LANCL2: variants seen among roughly 807,000 people sequenced by gnomAD.
The protein encoded by LANCL2 is lanC-like protein 2.
In LANCL2, 33 loss-of-function variants were observed where a neutral mutation model predicts 56.9. That is an observed-to-expected ratio of 0.58 (90% confidence interval 0.44 to 0.78). The LOEUF (loss-of-function observed/expected upper bound fraction) is 0.78, where lower values mean the gene tolerates loss of function less well. Among genes scored for constraint, LANCL2 ranks in the 30% least tolerant of loss-of-function variants. The pLI, the probability that LANCL2 is intolerant of heterozygous loss-of-function variation, is 0.00. For missense variants in LANCL2, 562 were observed against 580.2 expected (o/e 0.97, Z 0.32); for synonymous variants, 233 against 228.2 (o/e 1.02, Z -0.19).
At chr7:55,411,207 T>C (rs920723575) in intron 5 of LANCL2, among the ~76,000 whole-genome samples, 3 of 151,592 alleles carry the variant, frequency 2.0e-5, no homozygotes, top group African/African-American at 4.9e-5. Context: ...TTGAGACTCT[T>C]TGAATGTTTT....
At chr7:55,401,078 CTCTA>C (rs1043185448) in intron 4 of LANCL2, 92 bp from the exon 5 acceptor site, 59 of 911,470 alleles carry the variant, frequency 6.5e-5, no homozygotes, top group Non-Finnish European at 9.6e-5. Context: ...CTGCCTCTCT[CTCTA>C]TATATGTCAT....
intron 2 of LANCL2, chr7:55,394,188 G>A (rs1583751020): frequency 6.6e-6 from 1 of 152,156 alleles, no homozygotes; most frequent in Non-Finnish European, 1.5e-5. Flanking sequence ...GAAGTATTTG[G>A]TTTCAGTGAT....
rs369345106 is a variant in LANCL2 at position 55,365,796 on chromosome 7, C to G, written c.-230C>G. ...TCCGTCGGGAGCAGGGCAAAGGCGC[C>G]AGGAACAGGGCAGAGGCACAGCGCC... is the stretch of plus-strand genomic sequence containing the variant. On this transcript the variant is annotated 5_prime_UTR_variant, in exon 1 of 9. Transcript: ENST00000254770. The G allele has an allele frequency of 3.1e-4, 121 of 396,224 alleles. 1 individual carries two copies. The South Asian group carries it at 9.8e-3, about 32-fold the overall frequency. The allele number at this position is 396,224 out of a possible 1,614,324, so 24.5% of individuals were successfully genotyped here. A position where few individuals can be genotyped will look rare whatever the true frequency, so the allele number is the denominator to read the frequency against.
chr7:55,421,858 C>T (rs1002706293), intron 6 of LANCL2, among the ~76,000 whole-genome samples: 1 of 152,062 alleles, frequency 6.6e-6, no homozygotes, highest in African/African-American at 2.4e-5. Flanking sequence ...TGTTGTAAAC[C>T]ACTAATACAA....
chr7:55,371,649 A>G (rs972131117), intron 1 of LANCL2, among the ~76,000 whole-genome samples: 1 of 152,078 alleles, frequency 6.6e-6, no homozygotes, highest in Non-Finnish European at 1.5e-5. Flanking sequence ...CTCTTGTAGG[A>G]GTTTTATAGT....
At position 55,391,868 on chromosome 7, in the gene LANCL2, A is replaced by G; in HGVS notation, c.280A>G (p.Thr94Ala). ...GCAGCAAATGGAAGAAGGGCTGAAG[A>G]CAGCTGATCCCCATGACTGCTCTGC... ...LLQQMEEGLK[T>A]ADPHDCSAYT... Residue 94 changes from threonine (T) to alanine (A), a missense_variant, in exon 2 of 9, where the codon ACA (threonine) becomes GCA (alanine). This residue lies in a region of LANCL2 where 378 missense variants were observed against 468.4 expected (regional missense o/e 0.81). Transcript: ENST00000254770. 1 of 1,612,866 alleles carries G rather than the reference A, an allele frequency of 6.2e-7. No homozygotes were observed. The highest frequency in any genetic ancestry group is 8.5e-7 in the Non-Finnish European group (1 of 1,178,878).
intron 6 of LANCL2, among the ~76,000 whole-genome samples, chr7:55,423,989 C>G (rs1241375916): frequency 1.3e-5 from 2 of 152,198 alleles, no homozygotes; most frequent in African/African-American, 4.8e-5. Context: ...GCCCTGCCCC[C>G]CAACCTCCGC....
At chr7:55,408,248 A>G (rs531604725) in intron 5 of LANCL2, among the ~76,000 whole-genome samples, 1 of 152,308 alleles carries the variant, frequency 6.6e-6, no homozygotes, top group South Asian at 2.1e-4. Flanking sequence ...AGAAATAGAC[A>G]ATGGGAGAGG....
chr7:55,366,291 C>A, intron 1 of LANCL2, 62 bp downstream of exon 1: 1 of 1,358,506 alleles, frequency 7.4e-7, no homozygotes, highest in African/African-American at 1.5e-5. Flanking sequence ...TAGCGTCCAC[C>A]TTCCGCCAGG....
intron 1 of LANCL2, among the ~76,000 whole-genome samples, chr7:55,389,436 A>T (rs1790161095): frequency 6.6e-6 from 1 of 152,214 alleles, no homozygotes; most frequent in African/African-American, 2.4e-5. Flanking sequence ...AAATATAAAG[A>T]AAAAGGTTGA....
At chr7:55,424,542 G>A (rs1790641723) in intron 6 of LANCL2, among the ~76,000 whole-genome samples, 3 of 152,224 alleles carry the variant, frequency 2.0e-5, no homozygotes, top group African/African-American at 7.2e-5. Flanking sequence ...GCTATGGGAT[G>A]TATGTGCCAA....
intron 6 of LANCL2, among the ~76,000 whole-genome samples, chr7:55,424,057 G>A (rs1264927773): frequency 6.6e-6 from 1 of 152,164 alleles, no homozygotes; most frequent in African/African-American, 2.4e-5. Flanking sequence ...TCAGTCACAA[G>A]TAGAGGGACC....
rs144985652 is a variant in LANCL2 at position 55,369,535 on chromosome 7, G to A, written c.204+3306G>A. Among the ~76,000 whole-genome samples, 873 of 152,282 alleles carry A rather than the reference G, an allele frequency of 5.7e-3. 5 individuals carry two copies. Among genetic ancestry groups the A allele is most frequent in the African/African-American group, 0.018 (765 of 41,568 alleles). ...ATATTATGAAAAGCAGTGAACCAGT[G>A]TAGTAGCAGTTGTTTTTAATTATGG... On this transcript the variant is annotated intron_variant, in intron 1 of 8. Coordinates refer to ENST00000254770, the MANE Select transcript of LANCL2 (RefSeq NM_018697.4).
intron 7 of LANCL2, among the ~76,000 whole-genome samples, chr7:55,427,794 A>G (rs1156815388): frequency 1.3e-5 from 2 of 152,254 alleles, no homozygotes; most frequent in African/African-American, 4.8e-5. Context: ...TATTAAAACG[A>G]TATGGAAACA....
intron 1 of LANCL2, among the ~76,000 whole-genome samples, chr7:55,370,050 G>C (rs544250186): frequency 6.6e-5 from 10 of 152,148 alleles, no homozygotes; most frequent in African/African-American, 2.2e-4. Flanking sequence ...TCTGGCTCAC[G>C]GTCTCTGGAG....
At chr7:55,428,509 T>C in intron 8 of LANCL2, 62 bp downstream of exon 8, 1 of 1,309,808 alleles carries the variant, frequency 7.6e-7, no homozygotes. Flanking sequence ...CCTGCCCTTG[T>C]GGACTGGCAC....
intron 1 of LANCL2, among the ~76,000 whole-genome samples, chr7:55,369,331 A>G (rs1044180732): frequency 6.6e-6 from 1 of 152,300 alleles, no homozygotes; most frequent in Non-Finnish European, 1.5e-5. Flanking sequence ...ACACAATAAC[A>G]TTTTATTACT....
intron 1 of LANCL2, among the ~76,000 whole-genome samples, chr7:55,370,216 C>A (rs868529243): frequency 3.9e-4 from 60 of 152,276 alleles, no homozygotes; most frequent in African/African-American, 1.4e-3. Context: ...CTCCTTAGGG[C>A]TGCCTCATGA....
chr7:55,382,948 A>G (rs768203369), intron 1 of LANCL2, among the ~76,000 whole-genome samples: 7 of 152,172 alleles, frequency 4.6e-5, no homozygotes, highest in South Asian at 2.1e-4. Flanking sequence ...CTTTGTTTCA[A>G]AGTTAAACCG....
Sources: gnomAD v4.1 joint callset for allele counts (sites outside exome capture counted in the v4.1 genomes callset) on GRCh38, gnomAD v4.1.1 for gene constraint, gnomAD v4.1.1 regional missense constraint, MANE v1.5 for transcripts, NCBI Gene and HGNC (gene_info 2026-07-23, HGNC 2026-07-21) for gene names.